IQCH: variants seen among roughly 807,000 people sequenced by gnomAD.
IQCH encodes IQ motif containing H.
Under a neutral mutation model 117.0 loss-of-function variants are expected in IQCH, and 98 were observed. That is an observed-to-expected ratio of 0.84 (90% CI 0.71 to 0.99). The LOEUF is 0.99. Ranked by LOEUF, IQCH falls within the 50% of genes least tolerant of loss-of-function variation. IQCH has a pLI of 0.00. For synonymous variants in IQCH, 412 were observed against 448.2 expected (o/e 0.92, Z 1.02); for missense variants, 1,102 against 1,243.8 (o/e 0.89, Z 1.72).
chr15:67,367,147 T>G (rs1970362018), intron 8 of IQCH, among the ~76,000 whole-genome samples: 1 of 152,138 alleles, frequency 6.6e-6, no homozygotes, highest in Non-Finnish European at 1.5e-5. Context: ...CAGACTAGAT[T>G]CTGGGTCTTG....
At chr15:67,321,863 T>C (rs1412616432) in intron 4 of IQCH, among the ~76,000 whole-genome samples, 1 of 152,244 alleles carries the variant, frequency 6.6e-6, no homozygotes, top group Non-Finnish European at 1.5e-5. Context: ...TGAAATTGAT[T>C]GAAACTTATT....
chr15:67,415,393 G>T (rs2081551640), intron 14 of IQCH, among the ~76,000 whole-genome samples: 1 of 152,132 alleles, frequency 6.6e-6, no homozygotes, highest in South Asian at 2.1e-4. Context: ...CTGAGTGTGA[G>T]CCAGGGCACT....
chr15:67,389,418 C>A (rs953262082), intron 12 of IQCH, among the ~76,000 whole-genome samples: 1 of 152,126 alleles, frequency 6.6e-6, no homozygotes, highest in Admixed American at 6.5e-5. Flanking sequence ...GTGTTTTTTC[C>A]CCTGAGGGGA....
rs1363782587 is a variant in IQCH, at chr15:67,395,306, C to T, written c.1648C>T (p.Leu550=). 2 of 1,613,154 alleles carry T rather than the reference C, an allele frequency of 1.2e-6. No homozygotes were observed. The highest frequency in any genetic ancestry group is 1.7e-5 in the Admixed American group (1 of 59,980). ...CTTCCCCCAGAAGCATCATATGTGC[C>T]TGGCCACTCACCTGATGTACAGTCC... ...VNIFPKHHMC[L]ATHLMYSPKA... The change falls in exon 13 of 21, where the codon CTG becomes TTG. Residue 550 remains leucine, a synonymous_variant. Coordinates refer to ENST00000335894, the MANE Select transcript of IQCH (RefSeq NM_001031715.3). This position sits in a 1 kb window ranked among gnomAD's most constrained non-coding sequence, Gnocchi z 4.0.
intron 15 of IQCH, among the ~76,000 whole-genome samples, chr15:67,418,705 A>C (rs568702461): frequency 2.0e-5 from 3 of 149,548 alleles, no homozygotes; most frequent in African/African-American, 7.4e-5. Flanking sequence ...CAGCCTCCTG[A>C]TAGCTGGGAT....
intron 13 of IQCH, among the ~76,000 whole-genome samples, chr15:67,397,163 T>C (rs569017491): frequency 1.0e-3 from 154 of 152,382 alleles, no homozygotes; most frequent in African/African-American, 3.5e-3. Context: ...GTACTATACA[T>C]TAAACAACCT....
intron 16 of IQCH, among the ~76,000 whole-genome samples, chr15:67,434,573 G>A (rs2082089484): frequency 6.6e-6 from 1 of 152,188 alleles, no homozygotes. Context: ...ACACGGCAGT[G>A]CAGATATCTC....
chr15:67,432,896 C>A lies in IQCH; in HGVS notation c.2505+11319C>A, dbSNP rs2082048180. On this transcript the variant is annotated intron_variant, in intron 16 of 20. Coordinates refer to ENST00000335894, the MANE Select transcript of IQCH (RefSeq NM_001031715.3). The surrounding 1 kb of genome is among the most constrained non-coding windows in gnomAD (Gnocchi z 5.0). ...TCTCTAAATCCCCCTCTAGTACTCT[C>A]ATTTGCAAGATCTCCCCTATCTCTG... Among the ~76,000 whole-genome samples the A allele has an allele frequency of 6.6e-6, 1 of 152,178 alleles. No individual in the cohort carries two copies. Among genetic ancestry groups the A allele is most frequent in the Non-Finnish European group, 1.5e-5 (1 of 68,024 alleles).
Position 67,373,372 on chromosome 15 carries a change from G to A in IQCH, c.1311G>A (p.Leu437=). The A allele has an allele frequency of 6.2e-7, 1 of 1,610,488 alleles. No homozygotes were observed. The highest frequency in any genetic ancestry group is 8.5e-7 in the Non-Finnish European group (1 of 1,177,052). Reference sequence around the variant, plus strand: ...ATGCTCTTCTTGATTTTTAGCATCTGGCAGCCAACTGGAATCGCATCAGGA... The same window carrying A: ...ATGCTCTTCTTGATTTTTAGCATCTAGCAGCCAACTGGAATCGCATCAGGA... ...LENFRIRAKH[L]AANWNRIRTS... Residue 437 remains leucine (L), a synonymous_variant, in exon 10 of 21, where the codon CTG becomes CTA. Transcript: ENST00000335894.
At chr15:67,326,796 C>T (rs1968433251) in intron 4 of IQCH, among the ~76,000 whole-genome samples, 1 of 152,144 alleles carries the variant, frequency 6.6e-6, no homozygotes, top group African/African-American at 2.4e-5. Context: ...TCAAATCAGC[C>T]TATTATTTTA....
rs1419326837 is a variant in IQCH at position 67,433,566 on chromosome 15, C to A, written c.2505+11989C>A. 1.3e-5 allele frequency among the ~76,000 whole-genome samples: 2 copies of A among 152,152 alleles called. No individual in the cohort carries two copies. Among genetic ancestry groups the A allele is most frequent in the Non-Finnish European group, 2.9e-5 (2 of 68,032 alleles). ...TCCCCCAGGACTTCCTCAAAAGATG[C>A]CCATTCTCATCATGGAGCTCTTTGC... is the stretch of plus-strand genomic sequence containing the variant. On this transcript the variant is annotated intron_variant, in intron 16 of 20. Transcript: ENST00000335894. The surrounding 1 kb of genome is among the most constrained non-coding windows in gnomAD (Gnocchi z 5.4).
At chr15:67,337,377 G>A (rs1162437480) in intron 5 of IQCH, among the ~76,000 whole-genome samples, 1 of 152,130 alleles carries the variant, frequency 6.6e-6, no homozygotes, top group Admixed American at 6.5e-5. Context: ...TTGTGTTTAT[G>A]TGATAGCATT....
chr15:67,410,652 T>TG (rs1402285745), intron 14 of IQCH, among the ~76,000 whole-genome samples: 1 of 152,158 alleles, frequency 6.6e-6, no homozygotes, highest in African/African-American at 2.4e-5. Flanking sequence ...GCAGCTGAGT[T>TG]GGGGGGCAAC....
intron 14 of IQCH, among the ~76,000 whole-genome samples, chr15:67,409,357 C>T (rs2081385269): frequency 1.3e-5 from 2 of 152,136 alleles, no homozygotes; most frequent in Admixed American, 1.3e-4. Context: ...AAACCACAGC[C>T]CCCTGTGGTG....
Position 67,416,817 on chromosome 15 carries a change from A to G in IQCH, c.2098-114A>G. 1 of 770,090 alleles carries G rather than the reference A, an allele frequency of 1.3e-6. No homozygotes were observed. Among genetic ancestry groups the G allele is most frequent in the Non-Finnish European group, 1.9e-6 (1 of 531,720 alleles). 47.7% of individuals were successfully genotyped at this position (770,090 alleles called of 1,614,324 possible). On this transcript the variant is annotated intron_variant, in intron 14 of 20. Coordinates refer to ENST00000335894, the MANE Select transcript of IQCH (RefSeq NM_001031715.3). This position sits in a 1 kb window ranked among gnomAD's most constrained non-coding sequence, Gnocchi z 5.1. ...TCAAAATGGCTTTCTGACTCTGGGT[A>G]AACAGTAACCACATTTTTTTTGCCT...
chr15:67,322,150 C>T (rs1968165310), intron 4 of IQCH, among the ~76,000 whole-genome samples: 1 of 152,168 alleles, frequency 6.6e-6, no homozygotes, highest in South Asian at 2.1e-4. Flanking sequence ...TTATTAGAGA[C>T]ATTCACATTT....
In IQCH at chr15:67,393,650, G is replaced by C. The variant is rs1971361137; in HGVS notation, c.1633-1641G>C. On this transcript the variant is annotated intron_variant, in intron 12 of 20. Coordinates refer to ENST00000335894, the MANE Select transcript of IQCH (RefSeq NM_001031715.3). This position sits in a 1 kb window ranked among gnomAD's most constrained non-coding sequence, Gnocchi z 5.5. Reference sequence around the variant, plus strand: ...ATTCTCCTGCCTCAGGCTTTTAGTAGCTGGGACCACAGGTGTGTACCACCA... The same window carrying C: ...ATTCTCCTGCCTCAGGCTTTTAGTACCTGGGACCACAGGTGTGTACCACCA... Among the ~76,000 whole-genome samples the C allele has an allele frequency of 6.6e-6, 1 of 151,876 alleles. No individual in the cohort carries two copies. Among genetic ancestry groups the C allele is most frequent in the South Asian group, 2.1e-4 (1 of 4,808 alleles).
intron 12 of IQCH, 86 bp downstream of exon 12, chr15:67,389,092 C>A: frequency 1.0e-6 from 1 of 1,000,752 alleles, no homozygotes; most frequent in Non-Finnish European, 1.5e-6. Flanking sequence ...CTCTGGTACA[C>A]ATCAGTGAAA....
chr15:67,336,575 T>C (rs1348518083), intron 4 of IQCH, among the ~76,000 whole-genome samples: 1 of 152,238 alleles, frequency 6.6e-6, no homozygotes, highest in East Asian at 1.9e-4. Context: ...CCAGGTTTTT[T>C]GTTTTAACAT....
Sources: gnomAD v4.1 joint callset for allele counts (sites outside exome capture counted in the v4.1 genomes callset) on GRCh38, gnomAD v4.1.1 for gene constraint, Gnocchi (gnomAD v3.1) non-coding constraint, MANE v1.5 for transcripts, NCBI Gene and HGNC (gene_info 2026-07-23, HGNC 2026-07-21) for gene names.